The following PLXNC1 variants were observed in gnomAD, a reference collection of about 807,000 sequenced individuals.
The protein encoded by PLXNC1 is plexin C1, also known as plexin-C1.
Under a neutral mutation model 178.2 loss-of-function variants are expected in PLXNC1, and 75 were observed. The observed-to-expected ratio is 0.42, with a 90% CI of 0.35 to 0.51. PLXNC1 has a LOEUF of 0.51. PLXNC1 is among the 20% of genes least tolerant of loss of function. PLXNC1 has a pLI of 0.02. For missense variants in PLXNC1, 1,503 were observed against 1,984.4 expected (o/e 0.76, Z 4.61); for synonymous variants, 790 against 779.9 (o/e 1.01, Z -0.22).
chr12:94,156,547 G>A (rs1005715189), intron 1 of PLXNC1, among the ~76,000 whole-genome samples: 6 of 148,946 alleles, frequency 4.0e-5, no homozygotes, highest in African/African-American at 1.2e-4. Flanking sequence ...GCACAATCTC[G>A]GCTCACTGCA....
chr12:94,155,707 T>C (rs1391483557), intron 1 of PLXNC1, among the ~76,000 whole-genome samples: 1 of 152,228 alleles, frequency 6.6e-6, no homozygotes, highest in Non-Finnish European at 1.5e-5. Flanking sequence ...CACTCTTGCA[T>C]ATAACAGTTT....
In PLXNC1 at chr12:94,243,931, C is replaced by T; in HGVS notation, c.2301-7C>T. 2 of 1,499,200 alleles carry T rather than the reference C, an allele frequency of 1.3e-6. No individual in the cohort carries two copies. Among genetic ancestry groups the T allele is most frequent in the Non-Finnish European group, 1.8e-6 (2 of 1,086,816 alleles). 92.9% of individuals were successfully genotyped at this position (1,499,200 alleles called of 1,614,324 possible). On this transcript the variant is annotated splice_polypyrimidine_tract_variant and splice_region_variant and intron_variant, in intron 11 of 30. Transcript: ENST00000258526. ...GAAACCCTTATTGTTGCTTTTATTC[C>T]TTGCAGTGGTGGTCAAAATATAACC...
chr12:94,207,517 C>T (rs906101506), intron 4 of PLXNC1, among the ~76,000 whole-genome samples: 1 of 152,074 alleles, frequency 6.6e-6, no homozygotes, highest in Non-Finnish European at 1.5e-5. Flanking sequence ...CATATTTCAT[C>T]CTTTCATTCA....
intron 1 of PLXNC1, among the ~76,000 whole-genome samples, chr12:94,167,339 A>C (rs1009519767): frequency 2.0e-5 from 3 of 152,140 alleles, no homozygotes; most frequent in African/African-American, 7.2e-5. Flanking sequence ...GTCCACATCC[A>C]TTACTTTTTC....
chr12:94,185,881 C>G (rs1359652316), intron 3 of PLXNC1: 1 of 157,684 alleles, frequency 6.3e-6, no homozygotes, highest in Non-Finnish European at 1.4e-5. Flanking sequence ...CAACCTGATT[C>G]CATGATCCGT....
intron 1 of PLXNC1, among the ~76,000 whole-genome samples, chr12:94,154,039 CA>C (rs1184194001): frequency 6.6e-6 from 1 of 152,128 alleles, no homozygotes; most frequent in Admixed American, 6.5e-5. Flanking sequence ...ATATTATATG[CA>C]AAAATGGATT....
intron 5 of PLXNC1, among the ~76,000 whole-genome samples, chr12:94,211,933 G>A (rs1354463531): frequency 6.6e-6 from 1 of 152,198 alleles, no homozygotes; most frequent in African/African-American, 2.4e-5. Flanking sequence ...GGCTCCCCTG[G>A]TGGAATGACT....
At position 94,220,171 on chromosome 12, in the gene PLXNC1, G is replaced by A; in HGVS notation, c.1702+8G>A. The A allele has an allele frequency of 6.2e-7, 1 of 1,610,860 alleles. No individual in the cohort carries two copies. Among genetic ancestry groups the A allele is most frequent in the South Asian group, 1.1e-5 (1 of 90,876 alleles). The stretch of plus-strand genomic sequence containing the variant: ...CCAGAGCAACCTACAAAGGTATGTG[G>A]ATTCTTCTGGGTTATTTTTGTTATA... On this transcript the variant is annotated splice_region_variant and intron_variant, in intron 6 of 30. Transcript: ENST00000258526.
At chr12:94,304,919 A>C (rs768545877) in intron 30 of PLXNC1, among the ~76,000 whole-genome samples, 6 of 152,236 alleles carry the variant, frequency 3.9e-5, no homozygotes, top group Non-Finnish European at 7.3e-5. Context: ...ATAATGCATA[A>C]AGCAGGGCCT....
In PLXNC1 at chr12:94,212,499, C is replaced by T. The variant is rs555517634; in HGVS notation, c.1554+2795C>T. Among the ~76,000 whole-genome samples the T allele has an allele frequency of 7.4e-5, 11 of 148,984 alleles. No individual in the cohort carries two copies. In the South Asian group the frequency reaches 1.7e-3, roughly 23 times the overall value. On this transcript the variant is annotated intron_variant, in intron 5 of 30. Transcript: ENST00000258526. ...CAGCCCCCCACCCCCCGGCAGGCCC[C>T]GGTGTGTGATGTTCCCCGCCCTGTG...
chr12:94,185,683 C>A (rs1249833022), intron 3 of PLXNC1, among the ~76,000 whole-genome samples: 1 of 152,222 alleles, frequency 6.6e-6, no homozygotes, highest in African/African-American at 2.4e-5. Context: ...GCAAAACAAG[C>A]CAGGAGCTGA....
rs1565835923 is a variant in PLXNC1, at chr12:94,260,393, T to A, written c.3252-249T>A. On this transcript the variant is annotated intron_variant, in intron 19 of 30. Transcript: ENST00000258526. The surrounding 1 kb of genome is among the most constrained non-coding windows in gnomAD (Gnocchi z 4.4). ...TAATAAAAAAAGCAGAAGTGTTAAT[T>A]TTTATTTTTAAAACATCCCGAAACT... Among the ~76,000 whole-genome samples the A allele has an allele frequency of 6.6e-6, 1 of 152,120 alleles. No homozygotes were observed. Among genetic ancestry groups the A allele is most frequent in the Non-Finnish European group, 1.5e-5 (1 of 68,022 alleles).
At chr12:94,215,812 AT>A (rs1963630810) in intron 5 of PLXNC1, among the ~76,000 whole-genome samples, 2 of 152,300 alleles carry the variant, frequency 1.3e-5, no homozygotes, top group East Asian at 3.9e-4. Flanking sequence ...ATTTAGACTA[AT>A]TAAGAAATTG....
At chr12:94,232,384 C>T (rs773891569) in intron 9 of PLXNC1, among the ~76,000 whole-genome samples, 3 of 152,196 alleles carry the variant, frequency 2.0e-5, no homozygotes, top group South Asian at 2.1e-4. Context: ...CCACCGCACC[C>T]GGCCCCTCCA....
intron 13 of PLXNC1, 31 bp from the exon 14 acceptor site, chr12:94,248,196 G>A: frequency 6.2e-7 from 1 of 1,600,762 alleles, no homozygotes. Context: ...CATGTGCTCT[G>A]ATTTCTCCAT....
At chr12:94,251,790 A>G (rs1964698055) in intron 15 of PLXNC1, among the ~76,000 whole-genome samples, 1 of 152,170 alleles carries the variant, frequency 6.6e-6, no homozygotes, top group Non-Finnish European at 1.5e-5. Context: ...TCAGGAGTTC[A>G]AGACCAGCCT....
chr12:94,213,110 T>A (rs1700532038), intron 5 of PLXNC1, among the ~76,000 whole-genome samples: 1 of 152,216 alleles, frequency 6.6e-6, no homozygotes, highest in Non-Finnish European at 1.5e-5. Context: ...TGCAATATAC[T>A]TACATGTGCA....
intron 10 of PLXNC1, among the ~76,000 whole-genome samples, chr12:94,238,787 C>G (rs1175606586): frequency 6.6e-6 from 1 of 152,124 alleles, no homozygotes; most frequent in Non-Finnish European, 1.5e-5. Flanking sequence ...CATGCCCTTC[C>G]CCTCATAGCA....
At chr12:94,267,972 G>A (rs1192391649) in intron 21 of PLXNC1, among the ~76,000 whole-genome samples, 1 of 152,168 alleles carries the variant, frequency 6.6e-6, no homozygotes, top group Non-Finnish European at 1.5e-5. Context: ...TGAACAAACT[G>A]ATTCTGTGTG....
Sources: gnomAD v4.1 joint callset for allele counts (sites outside exome capture counted in the v4.1 genomes callset) on GRCh38, gnomAD v4.1.1 for gene constraint, Gnocchi (gnomAD v3.1) non-coding constraint, MANE v1.5 for transcripts, NCBI Gene and HGNC (gene_info 2026-07-23, HGNC 2026-07-21) for gene names.